Variants in ENTREP2 observed in about 807,000 individuals in gnomAD.
ENTREP2 encodes protein ENTREP2.
the ENTREP2 span, among the ~76,000 whole-genome samples, chr15:29,445,639 C>T: frequency 4.6e-5 from 7 of 152,180 alleles, no homozygotes; most frequent in African/African-American, 7.2e-5. Flanking sequence ...TGCATCTCCT[C>T]CATCTGGCTG....
chr15:29,385,229 A>C, the ENTREP2 span, among the ~76,000 whole-genome samples: 52 of 152,300 alleles, frequency 3.4e-4, 1 homozygote, highest in East Asian at 7.5e-3. Flanking sequence ...AAAACTTCCA[A>C]ATCGTAGCCA....
At chr15:29,478,880 A>C in the ENTREP2 span, among the ~76,000 whole-genome samples, 2 of 143,108 alleles carry the variant, frequency 1.4e-5, no homozygotes, top group Non-Finnish European at 3.0e-5. Flanking sequence ...CTGTCTCAAA[A>C]AAAATTGAAA....
chr15:29,167,321 G>A, the ENTREP2 span, among the ~76,000 whole-genome samples: 10 of 152,058 alleles, frequency 6.6e-5, no homozygotes, highest in African/African-American at 2.4e-4. Flanking sequence ...CAATAGCTGG[G>A]ATCAAATTAA....
At chr15:29,526,725 C>T in the ENTREP2 span, among the ~76,000 whole-genome samples, 3 of 152,032 alleles carry the variant, frequency 2.0e-5, no homozygotes, top group Admixed American at 6.6e-5. Flanking sequence ...CCGCCTCAGC[C>T]TCCCAAAGTG....
the ENTREP2 span, among the ~76,000 whole-genome samples, chr15:29,451,415 C>A: frequency 6.6e-6 from 1 of 152,166 alleles, no homozygotes; most frequent in Non-Finnish European, 1.5e-5. Flanking sequence ...TCTGCAGACA[C>A]AGCACACCGA....
the ENTREP2 span, among the ~76,000 whole-genome samples, chr15:29,279,415 T>A: frequency 0.062 from 9,394 of 151,650 alleles, 896 homozygotes; most frequent in African/African-American, 0.2. Flanking sequence ...ACCAGGCTGG[T>A]GTGCAGTGGT....
At chr15:29,623,582 C>T in the ENTREP2 span, among the ~76,000 whole-genome samples, 18,806 of 152,088 alleles carry the variant, frequency 0.12, 1,595 homozygotes, top group Non-Finnish European at 0.18. Context: ...GAGATGTCAA[C>T]GCCATCAGAA....
At chr15:29,651,274 C>T in the ENTREP2 span, among the ~76,000 whole-genome samples, 1 of 152,226 alleles carries the variant, frequency 6.6e-6, no homozygotes, top group Non-Finnish European at 1.5e-5. Context: ...TGATTGCAAA[C>T]TAGATTTTCA....
the ENTREP2 span, among the ~76,000 whole-genome samples, chr15:29,438,411 T>C: frequency 6.6e-6 from 1 of 152,194 alleles, no homozygotes; most frequent in Non-Finnish European, 1.5e-5. Context: ...GAAAAGGTCA[T>C]GTTCTCTGTG....
the ENTREP2 span, among the ~76,000 whole-genome samples, chr15:29,519,716 G>A: frequency 1.3e-5 from 2 of 152,206 alleles, no homozygotes; most frequent in Non-Finnish European, 1.5e-5. Context: ...CTGACTGTGA[G>A]GGAGGTTGGG....
the ENTREP2 span, among the ~76,000 whole-genome samples, chr15:29,175,472 A>C: frequency 6.6e-6 from 1 of 152,348 alleles, no homozygotes; most frequent in African/African-American, 2.4e-5. Context: ...TGAATGCTTA[A>C]GGAAAAGAGC....
chr15:29,364,611 A>G, the ENTREP2 span, among the ~76,000 whole-genome samples: 4 of 152,232 alleles, frequency 2.6e-5, no homozygotes, highest in African/African-American at 9.6e-5. Flanking sequence ...TTTGGATAAC[A>G]GTGCAAGCTG....
the ENTREP2 span, among the ~76,000 whole-genome samples, chr15:29,135,387 G>A: frequency 6.7e-6 from 1 of 149,472 alleles, no homozygotes; most frequent in African/African-American, 2.4e-5. This position sits in a 1 kb window ranked among gnomAD's most constrained non-coding sequence, Gnocchi z 7.4. Context: ...CTGTCGATTT[G>A]GTCTATTTAC....
chr15:29,158,698 C>T, the ENTREP2 span, among the ~76,000 whole-genome samples: 1 of 152,090 alleles, frequency 6.6e-6, no homozygotes, highest in African/African-American at 2.4e-5. Flanking sequence ...AATTCCTTTA[C>T]AAGGTGATTC....
the ENTREP2 span, among the ~76,000 whole-genome samples, chr15:29,242,776 T>C: frequency 6.6e-6 from 1 of 152,104 alleles, no homozygotes; most frequent in African/African-American, 2.4e-5. Flanking sequence ...GACAGAATGC[T>C]CAGAGAACCG....
At chr15:29,215,550 G>T in the ENTREP2 span, among the ~76,000 whole-genome samples, 2 of 147,868 alleles carry the variant, frequency 1.4e-5, no homozygotes, top group Non-Finnish European at 3.0e-5. Flanking sequence ...GTAATAATGT[G>T]AATTAATAAT....
chr15:29,211,488 T>G, the ENTREP2 span, among the ~76,000 whole-genome samples: 1 of 152,240 alleles, frequency 6.6e-6, no homozygotes. Context: ...CTTGTCTGAT[T>G]GCCCTGGCTA....
At chr15:29,136,125 C>T in the ENTREP2 span, among the ~76,000 whole-genome samples, 6 of 152,266 alleles carry the variant, frequency 3.9e-5, no homozygotes, top group Non-Finnish European at 8.8e-5. Context: ...GCAGGTGCCG[C>T]TCTCTGAGCC....
chr15:29,633,951 C>T, the ENTREP2 span, among the ~76,000 whole-genome samples: 2 of 149,238 alleles, frequency 1.3e-5, no homozygotes, highest in African/African-American at 4.9e-5. Flanking sequence ...GACTTCATCT[C>T]AAAAAAAAGA....
Sources: gnomAD v4.1 joint callset for allele counts (sites outside exome capture counted in the v4.1 genomes callset) on GRCh38, gnomAD v4.1.1 for gene constraint, Gnocchi (gnomAD v3.1) non-coding constraint, MANE v1.5 for transcripts, NCBI Gene and HGNC (gene_info 2026-07-23, HGNC 2026-07-21) for gene names.